NECAB3: variants seen among roughly 807,000 people sequenced by gnomAD.
The protein encoded by NECAB3 is N-terminal EF-hand calcium-binding protein 3.
Under a neutral mutation model 57.2 loss-of-function variants are expected in NECAB3, and 38 were observed. The observed-to-expected ratio is 0.66, with a 90% confidence interval of 0.51 to 0.87. The LOEUF (loss-of-function observed/expected upper bound fraction) is 0.87. Among genes scored for constraint, NECAB3 ranks in the 40% least tolerant of loss-of-function variants. NECAB3 has a pLI of 0.00. For missense variants in NECAB3, 474 were observed against 527.5 expected (o/e 0.90, Z 0.99); for synonymous variants, 223 against 222.6 (o/e 1.00, Z -0.02).
intron 5 of NECAB3, chr20:33,666,834 C>T (rs2017667423): frequency 6.6e-6 from 1 of 152,370 alleles, no homozygotes; most frequent in South Asian, 2.1e-4. Context: ...GGCCTAGGAA[C>T]TAGCCACGAG....
chr20:33,667,750 T>C (rs749599746), intron 5 of NECAB3: 2 of 1,612,388 alleles, frequency 1.2e-6, no homozygotes, highest in East Asian at 2.2e-5. Context: ...GAAGCGCAGC[T>C]GCTACGTGTC....
chr20:33,665,991 G>A (rs2017636916), intron 5 of NECAB3, among the ~76,000 whole-genome samples: 1 of 152,236 alleles, frequency 6.6e-6, no homozygotes, highest in African/African-American at 2.4e-5. Flanking sequence ...GCTGAGGCAG[G>A]AGAATCACTT....
At chr20:33,670,526 G>A in intron 3 of NECAB3, 158 bp downstream of exon 3, 1 of 544,548 alleles carries the variant, frequency 1.8e-6, no homozygotes, top group Non-Finnish European at 3.2e-6. Context: ...TGTAGCTGGA[G>A]AGGGGGTAGG....
chr20:33,672,103 T>C (rs2017839950), intron 2 of NECAB3: 1 of 487,162 alleles, frequency 2.1e-6, no homozygotes, highest in Non-Finnish European at 3.7e-6. Context: ...CTGGTGGTTG[T>C]GAGGACAACA....
chr20:33,660,026 G>A lies in NECAB3; in HGVS notation c.525-23C>T. 6.4e-7 allele frequency: 1 copy of A among 1,566,820 alleles called. No homozygotes were observed. The highest frequency in any genetic ancestry group is 8.6e-7 in the Non-Finnish European group (1 of 1,156,756). ...GACCTAGAGGAAGTGAGGCTCACAG[G>A]GCCGAGGACTGGGGCCCCAGGACGG... On this transcript the variant is annotated intron_variant, in intron 6 of 11. Transcript: ENST00000246190. The surrounding 1 kb of genome is among the most constrained non-coding windows in gnomAD (Gnocchi z 4.1).
intron 5 of NECAB3, chr20:33,663,559 G>C (rs768782763): frequency 6.2e-7 from 1 of 1,611,116 alleles, no homozygotes; most frequent in Admixed American, 1.7e-5. Context: ...TCTCCCCCTG[G>C]ACAAGCGGCA....
In NECAB3 at chr20:33,660,485, G is replaced by A; in HGVS notation, c.388-90C>T. The A allele has an allele frequency of 6.5e-7, 1 of 1,531,506 alleles. No individual in the cohort carries two copies. Among genetic ancestry groups the A allele is most frequent in the African/African-American group, 1.4e-5 (1 of 73,536 alleles). 94.9% of individuals were successfully genotyped at this position (1,531,506 alleles called of 1,614,324 possible). A position where few individuals can be genotyped will look rare whatever the true frequency, so the allele number is the denominator to read the frequency against. On this transcript the variant is annotated intron_variant, in intron 5 of 11. Coordinates refer to ENST00000246190, the MANE Select transcript of NECAB3 (RefSeq NM_031232.4). This position sits in a 1 kb window ranked among gnomAD's most constrained non-coding sequence, Gnocchi z 4.1. ...CTGCCTCTTGCCCATCAGAGCAGCG[G>A]TGGCAGTGCCAAGAGCAGGGGCACG...
At chr20:33,662,474 G>GAGGGCGGGGGATGGGGAGC in intron 5 of NECAB3, 4 of 1,551,476 alleles carry the variant, frequency 2.6e-6, no homozygotes, top group Non-Finnish European at 3.5e-6. Context: ...AGCCGGCTGT[G>GAGGGCGGGGGATGGGGAGC]AGGGCGGGGG....
intron 8 of NECAB3, 118 bp downstream of exon 8, chr20:33,659,379 T>TG: frequency 3.5e-6 from 3 of 866,752 alleles, no homozygotes; most frequent in Non-Finnish European, 5.0e-6. Context: ...TTGCCAGGCC[T>TG]GGGGGCGGGG....
In NECAB3 at chr20:33,659,882, C is replaced by T. The variant is rs752871826; in HGVS notation, c.643+3G>A. On this transcript the variant is annotated splice_donor_region_variant and intron_variant, in intron 7 of 11. Transcript: ENST00000246190. The stretch of plus-strand genomic sequence containing the variant: ...CAGGCCTCCCACCCCACCCCAGGCG[C>T]ACCTGTGTCAGAAGAGCCGGGGGAC... The T allele has an allele frequency of 5.8e-6, 9 of 1,544,024 alleles. No individual in the cohort carries two copies. The highest frequency in any genetic ancestry group is 7.0e-6 in the Non-Finnish European group (8 of 1,147,300).
At chr20:33,668,025 C>G (rs1216237282) in intron 5 of NECAB3, 2 of 1,543,652 alleles carry the variant, frequency 1.3e-6, no homozygotes, top group East Asian at 2.4e-5. Flanking sequence ...CTGGCTTCGC[C>G]GAGCGCCTGG....
chr20:33,658,634 C>A, intron 9 of NECAB3, 80 bp from the exon 10 acceptor site: 1 of 1,600,728 alleles, frequency 6.2e-7, no homozygotes, highest in Admixed American at 1.7e-5. Context: ...TCATGGGAAC[C>A]CTGACCCACC....
intron 5 of NECAB3, chr20:33,663,675 G>T: frequency 6.3e-7 from 1 of 1,588,844 alleles, no homozygotes. Flanking sequence ...GCGAGCGCGA[G>T]CCGAGGATGC....
chr20:33,672,548 T>C (rs1205549342), intron 1 of NECAB3, 126 bp from the exon 2 acceptor site: 6 of 1,148,100 alleles, frequency 5.2e-6, no homozygotes, highest in Middle Eastern at 2.1e-4. Context: ...CCGCCCAGCC[T>C]GGTCCCAAAC....
chr20:33,666,784 C>T (rs2017664966), intron 5 of NECAB3: 1 of 152,332 alleles, frequency 6.6e-6, no homozygotes. Context: ...GGAACCCAGC[C>T]AGAGCGGAGA....
chr20:33,662,387 G>A, intron 5 of NECAB3: 1 of 1,551,534 alleles, frequency 6.4e-7, no homozygotes, highest in Non-Finnish European at 8.7e-7. Flanking sequence ...AAGCACCCAA[G>A]CAGGCCCGCA....
intron 2 of NECAB3, 155 bp downstream of exon 2, chr20:33,672,243 C>T: frequency 1.1e-6 from 1 of 895,564 alleles, no homozygotes; most frequent in Non-Finnish European, 1.8e-6. Context: ...GAGAACAGCA[C>T]TTCCTCTGGG....
At chr20:33,671,070 C>T (rs1242007790) in intron 2 of NECAB3, among the ~76,000 whole-genome samples, 1 of 152,182 alleles carries the variant, frequency 6.6e-6, no homozygotes, top group Admixed American at 6.5e-5. Context: ...TAAATGTTTG[C>T]CAAGTGAAAA....
chr20:33,669,495 A>T (rs781398600), intron 4 of NECAB3, 23 bp from the exon 5 acceptor site: 1 of 1,612,748 alleles, frequency 6.2e-7, no homozygotes, highest in South Asian at 1.1e-5. Context: ...GAGGTGCTCA[A>T]GGGTTCCTGG....
Sources: allele counts gnomAD v4.1 joint callset (sites outside exome capture counted in the v4.1 genomes callset), GRCh38; gene constraint gnomAD v4.1.1; non-coding constraint Gnocchi (gnomAD v3.1); transcripts MANE v1.5; gene names NCBI Gene and HGNC (gene_info 2026-07-23, HGNC 2026-07-21).